The following BPIFB1 variants were observed in gnomAD, a reference collection of about 807,000 sequenced individuals.
BPIFB1 encodes BPI fold containing family B member 1.
BPIFB1 carries 34 observed loss-of-function variants against 55.1 expected under a neutral mutation model. The observed-to-expected ratio is 0.62, with a 90% CI of 0.47 to 0.82. The LOEUF (loss-of-function observed/expected upper bound fraction) is 0.82. Ranked by LOEUF, BPIFB1 falls within the 40% of genes least tolerant of loss-of-function variation. The pLI, the probability that BPIFB1 is intolerant of heterozygous loss-of-function variation, is 0.00. For missense variants in BPIFB1, 532 were observed against 593.1 expected (o/e 0.90, Z 1.07); for synonymous variants, 236 against 245.3 (o/e 0.96, Z 0.35).
chr20:33,298,991 T>TTTTTTGG (rs1980751316), intron 7 of BPIFB1: 2 of 299,342 alleles, frequency 6.7e-6, no homozygotes, highest in African/African-American at 4.5e-5. Flanking sequence ...TTTTTTTTTT[T>TTTTTTGG]GGAGACGGAC....
At chr20:33,284,319 T>A (rs147509962) in intron 1 of BPIFB1, among the ~76,000 whole-genome samples, 117 of 152,324 alleles carry the variant, frequency 7.7e-4, no homozygotes, top group African/African-American at 2.7e-3. Context: ...CCCCTCCACC[T>A]TCAGGCCTCC....
At chr20:33,305,250 G>A (rs955148542) in intron 13 of BPIFB1, among the ~76,000 whole-genome samples, 8 of 151,512 alleles carry the variant, frequency 5.3e-5, no homozygotes, top group Non-Finnish European at 1.2e-4. Flanking sequence ...GATTCAGACC[G>A]AACCCCAATA....
chr20:33,297,702 C>T (rs1980701189), intron 7 of BPIFB1, 114 bp downstream of exon 7: 3 of 1,083,946 alleles, frequency 2.8e-6, no homozygotes, highest in Middle Eastern at 2.0e-4. Flanking sequence ...AACTCAGGCC[C>T]AGAAGCAGGT....
rs958819366 is a variant in BPIFB1, at chr20:33,294,901, C to A, written c.598-2624C>A. ...AGGCATAGCACGTTTAAGAGGTGAG[C>A]GTCTGGTAGGAGCTCATTTAGAAAA... On this transcript the variant is annotated intron_variant, in intron 6 of 15. Coordinates refer to ENST00000253354, the MANE Select transcript of BPIFB1 (RefSeq NM_033197.3). 2.0e-5 allele frequency among the ~76,000 whole-genome samples: 3 copies of A among 152,088 alleles called. No homozygotes were observed. In the South Asian group the frequency reaches 6.2e-4, roughly 31 times the overall value.
chr20:33,295,680 G>GAAAGAA (rs1319391594), intron 6 of BPIFB1, among the ~76,000 whole-genome samples: 36 of 147,146 alleles, frequency 2.4e-4, no homozygotes, highest in African/African-American at 8.1e-4. Flanking sequence ...AAGAAAGAAA[G>GAAAGAA]AGAGAAAAAA....
intron 13 of BPIFB1, 49 bp from the exon 14 acceptor site, chr20:33,305,953 A>T: frequency 6.3e-7 from 1 of 1,595,972 alleles, no homozygotes; most frequent in Non-Finnish European, 8.6e-7. Context: ...GATGGGGGGG[A>T]ACTTCAGATG....
chr20:33,304,714 G>A (rs1980964252), intron 12 of BPIFB1, 132 bp from the exon 13 acceptor site: 1 of 1,092,076 alleles, frequency 9.2e-7, no homozygotes, highest in South Asian at 1.3e-5. Flanking sequence ...ACGACGCAAG[G>A]GCTTCATGTG....
At chr20:33,289,838 A>C (rs773188873) in intron 3 of BPIFB1, 47 bp from the exon 4 acceptor site, 1 of 1,545,576 alleles carries the variant, frequency 6.5e-7, no homozygotes. Context: ...GGATTTGGGA[A>C]TAATGAGCCG....
At chr20:33,305,875 G>A (rs1208917439) in intron 13 of BPIFB1, 127 bp from the exon 14 acceptor site, 5 of 1,058,392 alleles carry the variant, frequency 4.7e-6, no homozygotes, top group Non-Finnish European at 7.2e-6. Context: ...TGATCAGCAG[G>A]GGACCTGGAA....
In BPIFB1 at chr20:33,306,061, G is replaced by A. The variant is rs1484892236; in HGVS notation, c.1314G>A (p.Gln438=). The change falls in exon 14 of 16, where the codon CAG becomes CAA. Residue 438 remains glutamine (Q), a synonymous_variant. Coordinates refer to ENST00000253354, the MANE Select transcript of BPIFB1 (RefSeq NM_033197.3). ...TCCACTCCATCCTGCTGCCGAACCAGAATGGTGCATACCTCTGCCATCTGT... is the reference window on the plus strand; with the variant it reads ...TCCACTCCATCCTGCTGCCGAACCAAAATGGTGCATACCTCTGCCATCTGT... ...EIIHSILLPN[Q]NGKLRSGVPV... The A allele has an allele frequency of 1.2e-6, 2 of 1,614,116 alleles. No individual in the cohort carries two copies. Among genetic ancestry groups the A allele is most frequent in the South Asian group, 1.1e-5 (1 of 91,082 alleles).
At chr20:33,304,785 T>G in intron 12 of BPIFB1, 61 bp from the exon 13 acceptor site, 30 of 1,596,214 alleles carry the variant, frequency 1.9e-5, no homozygotes, top group Non-Finnish European at 2.4e-5. Context: ...CGCTGTTGAA[T>G]GAGTGGATGG....
At chr20:33,297,488 C>T in intron 6 of BPIFB1, 37 bp from the exon 7 acceptor site, 1 of 1,611,322 alleles carries the variant, frequency 6.2e-7, no homozygotes, top group Non-Finnish European at 8.5e-7. Flanking sequence ...GCATTCTGGC[C>T]CCTCCCTGAT....
chr20:33,305,553 A>G (rs555713858), intron 13 of BPIFB1, among the ~76,000 whole-genome samples: 5 of 151,952 alleles, frequency 3.3e-5, no homozygotes, highest in South Asian at 4.2e-4. Flanking sequence ...TCCTGACCTC[A>G]TGATCTGCCC....
chr20:33,289,470 G>T (rs1425818074), intron 3 of BPIFB1, among the ~76,000 whole-genome samples: 1 of 152,090 alleles, frequency 6.6e-6, no homozygotes. Context: ...CTTCTCACTG[G>T]AGGTGACAGT....
At chr20:33,296,741 C>A (rs77872209) in intron 6 of BPIFB1, among the ~76,000 whole-genome samples, 1,567 of 152,246 alleles carry the variant, frequency 0.01, 27 homozygotes, top group African/African-American at 0.036. Context: ...GGACTGCTGG[C>A]AATTTTAGGA....
rs759677300 is a variant in BPIFB1, at chr20:33,306,054, C to T, written c.1307C>T (p.Pro436Leu). Residue 436 changes from proline (P) to leucine (L), a missense_variant, in exon 14 of 16, where the codon CCG (proline) becomes CTG (leucine). Pro to Leu is a moderately conservative substitution (Grantham distance 98, BLOSUM62 -3). Coordinates refer to ENST00000253354, the MANE Select transcript of BPIFB1 (RefSeq NM_033197.3). ...ITEIIHSILL[P>L]NQNGKLRSGV... ...GAGATCATCCACTCCATCCTGCTGC[C>T]GAACCAGAATGGTGCATACCTCTGC... The T allele has an allele frequency of 6.8e-6, 11 of 1,614,002 alleles. No individual in the cohort carries two copies. Among genetic ancestry groups the T allele is most frequent in the Admixed American group, 1.7e-5 (1 of 60,010 alleles).
intron 12 of BPIFB1, 21 bp downstream of exon 12, chr20:33,304,046 G>A (rs775970627): frequency 1.9e-6 from 3 of 1,603,466 alleles, no homozygotes; most frequent in Non-Finnish European, 2.6e-6. Flanking sequence ...AAATCATCAT[G>A]AAGATTCTGC....
chr20:33,302,976 T>A lies in BPIFB1; in HGVS notation c.1042T>A (p.Phe348Ile). Residue 348 changes from phenylalanine to isoleucine, a missense_variant, in exon 11 of 16, where the codon TTT (phenylalanine) becomes ATT (isoleucine). By Grantham distance (21) the Phe-to-Ile change is conservative (BLOSUM62 0). Transcript: ENST00000253354. ...VKILTQDTPE[F>I]FIDQGHAKVA... is the part of the protein sequence containing the mutation. ...GATCCTAACTCAGGACACTCCCGAG[T>A]TTTTTATAGACCAAGGCCATGCCAA... 1 of 1,613,756 alleles carries A rather than the reference T, an allele frequency of 6.2e-7. No individual in the cohort carries two copies. The highest frequency in any genetic ancestry group is 1.3e-5 in the African/African-American group (1 of 74,860).
chr20:33,295,076 G>A (rs1003488636), intron 6 of BPIFB1, among the ~76,000 whole-genome samples: 5 of 151,202 alleles, frequency 3.3e-5, no homozygotes, highest in Non-Finnish European at 1.5e-5. Context: ...TTAGCTGGGC[G>A]CAGTGGCGCA....
Sources: allele counts gnomAD v4.1 joint callset (sites outside exome capture counted in the v4.1 genomes callset), GRCh38; gene constraint gnomAD v4.1.1; transcripts MANE v1.5; gene names NCBI Gene and HGNC (gene_info 2026-07-23, HGNC 2026-07-21).